PLCL1: variants seen among roughly 807,000 people sequenced by gnomAD.
PLCL1 encodes phospholipase C like 1 (inactive), also known as inactive phospholipase C-like protein 1.
In PLCL1, 41 loss-of-function variants were observed where a neutral mutation model predicts 84.4. The ratio of observed to expected loss-of-function variants is 0.49; its 90% CI spans 0.38 to 0.63. The LOEUF is 0.63. Ranked by LOEUF, PLCL1 falls within the 30% of genes least tolerant of loss-of-function variation. The pLI, the probability that PLCL1 is intolerant of heterozygous loss-of-function variation, is 0.00. For missense variants in PLCL1, 1,206 were observed against 1,367.8 expected, an observed-to-expected ratio of 0.88 and a Z score of 1.87; for synonymous variants, 490 against 488.3, an observed-to-expected ratio of 1.00 and a Z score of -0.05.
rs562973972 is a variant in PLCL1 at position 198,082,500 on chromosome 2, T to G, written c.241-1258T>G. Among the ~76,000 whole-genome samples, 159 of 152,314 alleles carry G rather than the reference T, an allele frequency of 1.0e-3. 1 individual carries two copies. The highest frequency in any genetic ancestry group is 3.8e-3 in the African/African-American group (156 of 41,576). ...AGGTACTTTGCACTCTACATTTTGC[T>G]GACTCTTTGGCATGCCCTATAAAAT... On this transcript the variant is annotated intron_variant, in intron 1 of 5. Coordinates refer to ENST00000428675, the MANE Select transcript of PLCL1 (RefSeq NM_006226.4).
intron 1 of PLCL1, among the ~76,000 whole-genome samples, chr2:197,856,528 A>G (rs1440210809): frequency 6.6e-6 from 1 of 152,196 alleles, no homozygotes; most frequent in East Asian, 1.9e-4. Flanking sequence ...GTTATTGTCA[A>G]CATTTTAAAT....
Position 197,805,027 on chromosome 2 carries a change from A to G in PLCL1, c.-73A>G. 1 of 1,404,296 alleles carries G rather than the reference A, an allele frequency of 7.1e-7. No homozygotes were observed. Among genetic ancestry groups the G allele is most frequent in the South Asian group, 1.5e-5 (1 of 68,092 alleles). The allele number at this position is 1,404,296 out of a possible 1,614,324, so 87.0% of individuals were successfully genotyped here. Reference sequence around the variant, plus strand: ...GGGCCGCCTCCCGGTGCAGGAGCGCACCGGTGCCTAGCGGCTGGACTCCGC... The same window carrying G: ...GGGCCGCCTCCCGGTGCAGGAGCGCGCCGGTGCCTAGCGGCTGGACTCCGC... On this transcript the variant is annotated 5_prime_UTR_variant, in exon 1 of 6. Coordinates refer to ENST00000428675, the MANE Select transcript of PLCL1 (RefSeq NM_006226.4). The surrounding 1 kb of genome is among the most constrained non-coding windows in gnomAD (Gnocchi z 4.0).
chr2:197,820,613 G>A (rs1166840773), intron 1 of PLCL1, among the ~76,000 whole-genome samples: 2 of 152,004 alleles, frequency 1.3e-5, no homozygotes, highest in Non-Finnish European at 2.9e-5. Context: ...GCTGACATTG[G>A]GATCAACTGA....
intron 1 of PLCL1, among the ~76,000 whole-genome samples, chr2:197,838,169 T>C (rs779164058): frequency 1.3e-5 from 2 of 152,206 alleles, no homozygotes; most frequent in African/African-American, 2.4e-5. Context: ...CTCAGTTTGT[T>C]TGAGTTCTGT....
At chr2:198,055,616 A>C (rs1365630830) in intron 1 of PLCL1, among the ~76,000 whole-genome samples, 1 of 151,650 alleles carries the variant, frequency 6.6e-6, no homozygotes, top group African/African-American at 2.4e-5. Context: ...AGCATGAAGC[A>C]TGGTTCTCCT....
chr2:198,048,778 T>C (rs1691864102), intron 1 of PLCL1, among the ~76,000 whole-genome samples: 1 of 152,198 alleles, frequency 6.6e-6, no homozygotes, highest in South Asian at 2.1e-4. Flanking sequence ...CAACATGAGA[T>C]ATGGAAGGAA....
chr2:198,116,173 G>A (rs900956018), intron 5 of PLCL1, among the ~76,000 whole-genome samples: 3 of 151,430 alleles, frequency 2.0e-5, no homozygotes, highest in Non-Finnish European at 4.4e-5. Context: ...TGATTATGGA[G>A]CAGCAAAAAA....
chr2:197,991,686 A>G (rs1166559966), intron 1 of PLCL1, among the ~76,000 whole-genome samples: 1 of 152,148 alleles, frequency 6.6e-6, no homozygotes, highest in Non-Finnish European at 1.5e-5. Context: ...TTGAAGTTAA[A>G]GCTTCCCCTT....
chr2:197,851,610 G>T (rs548156233), intron 1 of PLCL1, among the ~76,000 whole-genome samples: 50 of 152,240 alleles, frequency 3.3e-4, no homozygotes, highest in Non-Finnish European at 6.2e-4. Flanking sequence ...AGAAAGAGAA[G>T]AGACAGGAAC....
intron 1 of PLCL1, among the ~76,000 whole-genome samples, chr2:197,999,072 G>A (rs1036390580): frequency 1.3e-5 from 2 of 152,152 alleles, no homozygotes; most frequent in African/African-American, 4.8e-5. Flanking sequence ...AAGCTGGCAA[G>A]GAAAGATCAC....
At chr2:198,064,829 G>T (rs970740410) in intron 1 of PLCL1, among the ~76,000 whole-genome samples, 17 of 152,126 alleles carry the variant, frequency 1.1e-4, no homozygotes, top group Non-Finnish European at 2.5e-4. Context: ...TTTATGTTTT[G>T]CAGACAAGAG....
At chr2:197,807,295 G>A (rs951673583) in intron 1 of PLCL1, among the ~76,000 whole-genome samples, 1 of 138,800 alleles carries the variant, frequency 7.2e-6, no homozygotes, top group Non-Finnish European at 1.6e-5. Flanking sequence ...GCATGTGTAA[G>A]CAGATATATC....
chr2:197,928,910 A>G (rs1688880862), intron 1 of PLCL1, among the ~76,000 whole-genome samples: 1 of 152,194 alleles, frequency 6.6e-6, no homozygotes, highest in Admixed American at 6.5e-5. Context: ...ATATACCACC[A>G]TGTCAATAGT....
chr2:198,038,167 G>T (rs1691586742), intron 1 of PLCL1, among the ~76,000 whole-genome samples: 1 of 152,134 alleles, frequency 6.6e-6, no homozygotes, highest in Non-Finnish European at 1.5e-5. Flanking sequence ...GTTCTAGAGA[G>T]AGAGAGAATT....
chr2:198,074,034 T>C (rs1020996108), intron 1 of PLCL1, among the ~76,000 whole-genome samples: 1 of 152,218 alleles, frequency 6.6e-6, no homozygotes, highest in African/African-American at 2.4e-5. Context: ...ATGAAAAACC[T>C]ACATGTATAT....
At position 198,149,736 on chromosome 2, in the gene PLCL1, A is replaced by G. The variant is rs1694599824; in HGVS notation, c.*2774A>G. On this transcript the variant is annotated 3_prime_UTR_variant, in exon 6 of 6. Transcript: ENST00000428675. ...TAGACACTGTTTAGAGTTTATACAT[A>G]TATGTAAATATGCTTGTATTTTAAC... is the stretch of plus-strand genomic sequence containing the variant. The G allele has an allele frequency of 6.6e-6, 1 of 152,190 alleles. No homozygotes were observed. Among genetic ancestry groups the G allele is most frequent in the Non-Finnish European group, 1.5e-5 (1 of 68,030 alleles). The allele number at this position is 152,190 out of a possible 1,614,324, so 9.4% of individuals were successfully genotyped here.
intron 4 of PLCL1, among the ~76,000 whole-genome samples, chr2:198,102,221 A>G (rs537984887): frequency 6.6e-6 from 1 of 152,172 alleles, no homozygotes; most frequent in East Asian, 1.9e-4. Flanking sequence ...ATAATACCTG[A>G]TACTTACATG....
At chr2:198,143,028 G>C (rs906083090) in intron 5 of PLCL1, among the ~76,000 whole-genome samples, 1 of 152,016 alleles carries the variant, frequency 6.6e-6, no homozygotes, top group Non-Finnish European at 1.5e-5. Context: ...TTCTCCTGGG[G>C]TTCCTCCTCT....
chr2:198,002,032 A>G, intron 1 of PLCL1: 1 of 395,316 alleles, frequency 2.5e-6, no homozygotes. Context: ...TTATTTCATT[A>G]TATATTACAA....
Sources: allele counts gnomAD v4.1 joint callset (sites outside exome capture counted in the v4.1 genomes callset), GRCh38; gene constraint gnomAD v4.1.1; non-coding constraint Gnocchi (gnomAD v3.1); transcripts MANE v1.5; gene names NCBI Gene and HGNC (gene_info 2026-07-23, HGNC 2026-07-21).